Variants in FNDC3B observed in about 807,000 individuals in gnomAD.
The protein encoded by FNDC3B is fibronectin type III domain-containing protein 3B.
A neutral mutation model predicts 151.5 loss-of-function variants in FNDC3B; 12 were observed. The ratio of observed to expected loss-of-function variants is 0.08; its 90% CI spans 0.05 to 0.13. The LOEUF (loss-of-function observed/expected upper bound fraction) is 0.13, where lower values mean the gene tolerates loss of function less well. FNDC3B is among the 10% of genes least tolerant of loss of function. The pLI is 1.00. For missense variants in FNDC3B, 1,214 were observed against 1,505.3 expected (o/e 0.81, Z 3.20); for synonymous variants, 528 against 549.0 (o/e 0.96, Z 0.54).
intron 1 of FNDC3B, among the ~76,000 whole-genome samples, chr3:172,088,523 T>C (rs1718661014): frequency 6.6e-6 from 1 of 152,238 alleles, no homozygotes; most frequent in African/African-American, 2.4e-5. Context: ...CACAAGTCTG[T>C]ACCTTCGTAA....
At chr3:172,190,749 ACCTCCACCT>A (rs1056345789) in intron 3 of FNDC3B, among the ~76,000 whole-genome samples, 3 of 151,892 alleles carry the variant, frequency 2.0e-5, no homozygotes, top group Admixed American at 6.6e-5. Context: ...GCTCACCGCA[ACCTCCACCT>A]CCTGGGTTCA....
intron 3 of FNDC3B, among the ~76,000 whole-genome samples, chr3:172,186,024 T>C (rs1019400165): frequency 4.6e-5 from 7 of 152,164 alleles, no homozygotes; most frequent in African/African-American, 1.7e-4. Flanking sequence ...TGGTTATAGA[T>C]CTTACAAGTG....
chr3:172,141,852 A>G (rs1266532918), intron 3 of FNDC3B, among the ~76,000 whole-genome samples: 1 of 151,220 alleles, frequency 6.6e-6, no homozygotes, highest in Non-Finnish European at 1.5e-5. Flanking sequence ...CTGCGTCTCA[A>G]AAAAAAAAAA....
intron 25 of FNDC3B, among the ~76,000 whole-genome samples, chr3:172,396,086 T>G (rs1736262888): frequency 6.6e-6 from 1 of 152,194 alleles, no homozygotes; most frequent in Admixed American, 6.5e-5. Flanking sequence ...ACAAAAACAT[T>G]CATAACATTC....
intron 21 of FNDC3B, among the ~76,000 whole-genome samples, chr3:172,349,703 T>C (rs1353729927): frequency 2.0e-5 from 3 of 152,186 alleles, no homozygotes; most frequent in Non-Finnish European, 4.4e-5. Context: ...TCACCCAGGC[T>C]GGAGTGCAGT....
chr3:172,299,757 A>T (rs2108228655), intron 9 of FNDC3B, among the ~76,000 whole-genome samples: 1 of 152,272 alleles, frequency 6.6e-6, no homozygotes, highest in East Asian at 1.9e-4. Context: ...ATGAGGTTGG[A>T]GGCAAGGTAG....
chr3:172,316,921 A>G (rs912567414), intron 11 of FNDC3B, among the ~76,000 whole-genome samples: 1 of 152,252 alleles, frequency 6.6e-6, no homozygotes, highest in Non-Finnish European at 1.5e-5. Flanking sequence ...GTTCAAGGTC[A>G]AGGACTTGTA....
At chr3:172,095,792 A>G (rs559796821) in intron 1 of FNDC3B, among the ~76,000 whole-genome samples, 1 of 151,030 alleles carries the variant, frequency 6.6e-6, no homozygotes, top group Non-Finnish European at 1.5e-5. Context: ...CTTTGTTAAA[A>G]AAACAAACAA....
intron 19 of FNDC3B, among the ~76,000 whole-genome samples, chr3:172,344,811 C>A (rs1401922374): frequency 6.6e-6 from 1 of 152,038 alleles, no homozygotes; most frequent in Non-Finnish European, 1.5e-5. Flanking sequence ...TATGTTATAT[C>A]CATAAAGGTT....
intron 3 of FNDC3B, among the ~76,000 whole-genome samples, chr3:172,198,354 G>A (rs1724958852): frequency 6.6e-6 from 1 of 152,148 alleles, no homozygotes; most frequent in Non-Finnish European, 1.5e-5. Context: ...TTGAATGTAT[G>A]TATGAATATA....
chr3:172,354,502 A>ATAAT (rs965198137), intron 22 of FNDC3B, among the ~76,000 whole-genome samples: 6 of 150,896 alleles, frequency 4.0e-5, no homozygotes, highest in African/African-American at 1.5e-4. Context: ...CAATAAAAAA[A>ATAAT]AATAATAATA....
intron 3 of FNDC3B, among the ~76,000 whole-genome samples, chr3:172,167,628 G>A (rs1723070942): frequency 6.6e-6 from 1 of 152,054 alleles, no homozygotes; most frequent in African/African-American, 2.4e-5. Flanking sequence ...CTAAGACCGG[G>A]GTCCCCAAGC....
chr3:172,252,452 G>A (rs188028546), intron 6 of FNDC3B, among the ~76,000 whole-genome samples: 2 of 151,446 alleles, frequency 1.3e-5, no homozygotes, highest in Admixed American at 1.3e-4. Context: ...CTACCTGACT[G>A]AGATGCAGTA....
At chr3:172,331,879 A>G (rs1732696852) in intron 13 of FNDC3B, among the ~76,000 whole-genome samples, 1 of 152,214 alleles carries the variant, frequency 6.6e-6, no homozygotes, top group Non-Finnish European at 1.5e-5. Context: ...GAAATATTTT[A>G]TAATTTGTGC....
chr3:172,288,094 C>T (rs1281393683), intron 7 of FNDC3B, among the ~76,000 whole-genome samples: 1 of 152,192 alleles, frequency 6.6e-6, no homozygotes, highest in Non-Finnish European at 1.5e-5. Flanking sequence ...ATTTGGTGCT[C>T]ACTTAGTAGC....
intron 3 of FNDC3B, among the ~76,000 whole-genome samples, chr3:172,170,465 T>C (rs937979003): frequency 5.9e-5 from 9 of 152,230 alleles, no homozygotes; most frequent in African/African-American, 2.2e-4. Context: ...TTGCAAGCAA[T>C]GTATTGATTG....
At chr3:172,066,858 G>A (rs182693063) in intron 1 of FNDC3B, among the ~76,000 whole-genome samples, 1 of 152,322 alleles carries the variant, frequency 6.6e-6, no homozygotes, top group East Asian at 1.9e-4. Flanking sequence ...GGTTGCACGA[G>A]TGTGTGAACA....
At chr3:172,296,304 C>T (rs1174397924) in intron 8 of FNDC3B, among the ~76,000 whole-genome samples, 1 of 152,164 alleles carries the variant, frequency 6.6e-6, no homozygotes, top group Admixed American at 6.5e-5. Context: ...TTTCTTTTCT[C>T]CCCTATTTTC....
At chr3:172,395,961 AG>A (rs938973239) in intron 25 of FNDC3B, among the ~76,000 whole-genome samples, 7 of 152,222 alleles carry the variant, frequency 4.6e-5, no homozygotes, top group African/African-American at 1.7e-4. Context: ...TCGTGCGCAA[AG>A]GGATCCAATC....
Sources: allele counts gnomAD v4.1 joint callset (sites outside exome capture counted in the v4.1 genomes callset), GRCh38; gene constraint gnomAD v4.1.1; transcripts MANE v1.5; gene names NCBI Gene and HGNC (gene_info 2026-07-23, HGNC 2026-07-21).